Variants in CTDSP2 observed in about 807,000 individuals in gnomAD.
The protein encoded by CTDSP2 is CTD small phosphatase 2.
Under a neutral mutation model 31.6 loss-of-function variants are expected in CTDSP2, and 9 were observed. The ratio of observed to expected loss-of-function variants is 0.28; its 90% CI spans 0.17 to 0.50. The LOEUF is 0.50. Ranked by LOEUF, CTDSP2 falls within the 20% of genes least tolerant of loss-of-function variation. CTDSP2 has a pLI of 0.98. For missense variants in CTDSP2, 267 were observed against 348.5 expected (o/e 0.77, Z 1.86); for synonymous variants, 134 against 134.5 (o/e 1.00, Z 0.03).
rs1183848652 is a variant in CTDSP2 at position 57,823,584 on chromosome 12, G to T, written c.*18C>A. 6.2e-7 allele frequency: 1 copy of T among 1,612,800 alleles called. No homozygotes were observed. Among genetic ancestry groups the T allele is most frequent in the Non-Finnish European group, 8.5e-7 (1 of 1,179,756 alleles). On this transcript the variant is annotated 3_prime_UTR_variant, in exon 8 of 8. Transcript: ENST00000398073. Reference sequence around the variant, plus strand: ...AAAGTCCCCTACTGGGATGGCCGTCGCTTGGAAGCAGGGCAGGCTAAGGGG... The same window carrying T: ...AAAGTCCCCTACTGGGATGGCCGTCTCTTGGAAGCAGGGCAGGCTAAGGGG...
Position 57,824,051 on chromosome 12 carries a change from C to T in CTDSP2, c.543G>A (p.Gly181=), listed in dbSNP as rs1956166889. The change falls in exon 7 of 8, where the codon GGG becomes GGA. Residue 181 remains glycine, a synonymous_variant. Coordinates refer to ENST00000398073, the MANE Select transcript of CTDSP2 (RefSeq NM_005730.4). ...DPVTDLLDRC[G]VFRARLFRES... is the part of the protein sequence containing the mutation. ...CACGGAATAGGCGGGCCCGGAACAC[C>T]CCACACCGGTCCAGCAGGTCTGTCA... 1 of 1,613,978 alleles carries T rather than the reference C, an allele frequency of 6.2e-7. No homozygotes were observed. Among genetic ancestry groups the T allele is most frequent in the African/African-American group, 1.3e-5 (1 of 74,904 alleles).
At chr12:57,839,358 T>C (rs1956267083) in intron 1 of CTDSP2, among the ~76,000 whole-genome samples, 1 of 152,230 alleles carries the variant, frequency 6.6e-6, no homozygotes, top group Non-Finnish European at 1.5e-5. Flanking sequence ...TTCCCCTGCA[T>C]GGTCCCTTAA....
chr12:57,831,720 G>A lies in CTDSP2; in HGVS notation c.65-2124C>T, dbSNP rs111717597. On this transcript the variant is annotated intron_variant, in intron 1 of 7. Coordinates refer to ENST00000398073, the MANE Select transcript of CTDSP2 (RefSeq NM_005730.4). ...ACTACTGTGCAGGAAAATGGATGCC[G>A]GAAATGCCTCTGTCTTTGTGGGGAA... is the stretch of plus-strand genomic sequence containing the variant. 1.5e-3 allele frequency among the ~76,000 whole-genome samples: 233 copies of A among 152,324 alleles called. 3 individuals are homozygous for A. Among genetic ancestry groups the A allele is most frequent in the African/African-American group, 5.3e-3 (221 of 41,574 alleles).
At chr12:57,840,734 G>A (rs1956277537) in intron 1 of CTDSP2, among the ~76,000 whole-genome samples, 1 of 151,444 alleles carries the variant, frequency 6.6e-6, no homozygotes, top group Non-Finnish European at 1.5e-5. Context: ...AATAAAAAGA[G>A]AGTAAGAGCA....
chr12:57,826,314 C>T (rs1356910316), intron 5 of CTDSP2, 32 bp downstream of exon 5: 1 of 1,608,728 alleles, frequency 6.2e-7, no homozygotes, highest in Non-Finnish European at 8.5e-7. Context: ...CCCCCACCCT[C>T]TGGGCTGGGT....
chr12:57,829,536 A>G lies in CTDSP2; in HGVS notation c.125T>C (p.Phe42Ser). ...AACATGCTGGGCGCGAAAACAGCAGAAAAGGGCCTTGAAGATGTTACGTCC... is the reference window on the plus strand; with the variant it reads ...AACATGCTGGGCGCGAAAACAGCAGGAAAGGGCCTTGAAGATGTTACGTCC... ...PRGRNIFKAL[F>S]CCFRAQHVGQ... Residue 42 changes from phenylalanine to serine, a missense_variant, in exon 2 of 8, where the codon TTC (phenylalanine) becomes TCC (serine). Physicochemically the swap from Phe to Ser is radical, Grantham distance 155 (BLOSUM62 -2). Transcript: ENST00000398073. 6.2e-7 allele frequency: 1 copy of G among 1,614,158 alleles called. No individual in the cohort carries two copies. Among genetic ancestry groups the G allele is most frequent in the Non-Finnish European group, 8.5e-7 (1 of 1,179,990 alleles).
At chr12:57,842,324 T>G (rs1956287222) in intron 1 of CTDSP2, 1 of 152,180 alleles carries the variant, frequency 6.6e-6, no homozygotes, top group Non-Finnish European at 1.5e-5. Flanking sequence ...TTTAACAAAA[T>G]CCATGATAAG....
At chr12:57,842,641 T>TG (rs1372699938) in intron 1 of CTDSP2, 2 of 152,070 alleles carry the variant, frequency 1.3e-5, no homozygotes, top group African/African-American at 4.8e-5. Context: ...TACCCAAAGA[T>TG]GGGGGAAAAA....
chr12:57,841,108 G>A (rs1416509795), intron 1 of CTDSP2, among the ~76,000 whole-genome samples: 1 of 152,190 alleles, frequency 6.6e-6, no homozygotes, highest in Non-Finnish European at 1.5e-5. Context: ...CTGCATCCCA[G>A]TTCAGAACTA....
chr12:57,831,040 G>A (rs1226280981), intron 1 of CTDSP2, among the ~76,000 whole-genome samples: 1 of 146,494 alleles, frequency 6.8e-6, no homozygotes, highest in Admixed American at 6.9e-5. Flanking sequence ...GAGCCACTGC[G>A]CCTGGCCACA....
At chr12:57,845,695 G>C (rs1365694618) in intron 1 of CTDSP2, among the ~76,000 whole-genome samples, 5 of 152,174 alleles carry the variant, frequency 3.3e-5, no homozygotes, top group African/African-American at 1.2e-4. Flanking sequence ...TCAGGGTCGG[G>C]CTTGTTTGCT....
chr12:57,826,937 T>G, intron 4 of CTDSP2, 59 bp downstream of exon 4: 1 of 1,303,234 alleles, frequency 7.7e-7, no homozygotes, highest in Admixed American at 1.7e-5. Flanking sequence ...ACACATCTGT[T>G]GCCAGATTCA....
chr12:57,828,450 T>C (rs1262922932), intron 2 of CTDSP2, among the ~76,000 whole-genome samples: 1 of 152,120 alleles, frequency 6.6e-6, no homozygotes, highest in Non-Finnish European at 1.5e-5. Context: ...GTTATGGTTT[T>C]AAGTGTTCTT....
chr12:57,845,906 C>T (rs1485991817), intron 1 of CTDSP2, among the ~76,000 whole-genome samples: 2 of 152,172 alleles, frequency 1.3e-5, no homozygotes, highest in African/African-American at 4.8e-5. Context: ...CCCGAACGAC[C>T]TCGGGCTTGG....
intron 1 of CTDSP2, among the ~76,000 whole-genome samples, chr12:57,831,632 G>A (rs1340377480): frequency 6.6e-6 from 1 of 152,182 alleles, no homozygotes; most frequent in Non-Finnish European, 1.5e-5. Context: ...GTTTCCTAGA[G>A]CCTGAGCAGG....
In CTDSP2 at chr12:57,823,217, C is replaced by G; in HGVS notation, c.*385G>C. 1 of 261,174 alleles carries G rather than the reference C, an allele frequency of 3.8e-6. No individual in the cohort carries two copies. Among genetic ancestry groups the G allele is most frequent in the South Asian group, 5.2e-5 (1 of 19,334 alleles). The allele number at this position is 261,174 out of a possible 1,614,324, so 16.2% of individuals were successfully genotyped here. ...GTTTGGCAATGGAGTCTTCAATAGT[C>G]TTCATCCCTACACAACTCAGTGGCT... On this transcript the variant is annotated 3_prime_UTR_variant, in exon 8 of 8. Coordinates refer to ENST00000398073, the MANE Select transcript of CTDSP2 (RefSeq NM_005730.4).
chr12:57,829,910 A>G (rs965441151), intron 1 of CTDSP2, among the ~76,000 whole-genome samples: 3 of 152,160 alleles, frequency 2.0e-5, no homozygotes, highest in Non-Finnish European at 4.4e-5. Context: ...GCTGCAGCAC[A>G]CTCAAAATTA....
In CTDSP2 at chr12:57,823,982, G is replaced by A. The variant is rs766026719; in HGVS notation, c.612C>T (p.Ser204=). The A allele has an allele frequency of 1.1e-5, 18 of 1,614,108 alleles. No homozygotes were observed. The highest frequency in any genetic ancestry group is 1.5e-5 in the Non-Finnish European group (18 of 1,180,006). The part of the protein sequence containing the change: ...FHQGCYVKDL[S]RLGRDLRKTL... ...TCTTTCTCAGGTCCCTCCCCAGGCG[G>A]CTGAGGTCCTTGACGTAGCAGCCCT... is the stretch of plus-strand genomic sequence containing the variant. Residue 204 remains serine (S), a synonymous_variant, in exon 7 of 8, where the codon AGC becomes AGT. Transcript: ENST00000398073.
intron 1 of CTDSP2, among the ~76,000 whole-genome samples, chr12:57,830,142 T>C (rs965344711): frequency 1.3e-5 from 2 of 152,140 alleles, no homozygotes; most frequent in Admixed American, 6.5e-5. Context: ...TTCCAGCACT[T>C]TGGGAGGCCA....
Sources: gnomAD v4.1 joint callset for allele counts (sites outside exome capture counted in the v4.1 genomes callset) on GRCh38, gnomAD v4.1.1 for gene constraint, MANE v1.5 for transcripts, NCBI Gene and HGNC (gene_info 2026-07-23, HGNC 2026-07-21) for gene names.